Variants in FNBP1L observed in about 807,000 individuals in gnomAD.
FNBP1L encodes the protein formin-binding protein 1-like.
Under a neutral mutation model 91.2 loss-of-function variants are expected in FNBP1L, and 36 were observed. The observed-to-expected ratio is 0.39, with a 90% CI of 0.30 to 0.52. The LOEUF is 0.52. FNBP1L is among the 20% of genes least tolerant of loss of function. The pLI, the probability that FNBP1L is intolerant of heterozygous loss-of-function variation, is 0.66. For synonymous variants in FNBP1L, 242 were observed against 237.0 expected (o/e 1.02, Z -0.19); for missense variants, 571 against 732.1 (o/e 0.78, Z 2.54).
At chr1:93,448,348 G>C (rs1208083200) in intron 1 of FNBP1L, 43 bp downstream of exon 1, 120 of 1,475,176 alleles carry the variant, frequency 8.1e-5, no homozygotes, top group Non-Finnish European at 1.0e-4. Flanking sequence ...CCCGGCCCCT[G>C]AGAAGCGCGG....
rs1032018099 is a variant in FNBP1L, at chr1:93,523,357, G to T, written c.208G>T (p.Val70Leu). 1 of 1,603,776 alleles carries T rather than the reference G, an allele frequency of 6.2e-7. No individual in the cohort carries two copies. Among genetic ancestry groups the T allele is most frequent in the South Asian group, 1.1e-5 (1 of 88,346 alleles). ...KDEEPRFTSC[V>L]AFFNILNELN... ...TGTTTTTGCCAGGTTTACCTCGTGTGTAGCCTTTTTTAATATCCTTAATGA... is the reference window on the plus strand; with the variant it reads ...TGTTTTTGCCAGGTTTACCTCGTGTTTAGCCTTTTTTAATATCCTTAATGA... Residue 70 changes from valine to leucine, a missense_variant, in exon 4 of 17, where the codon GTA (valine) becomes TTA (leucine). Around this residue, in one of 5 missense-constraint regions of FNBP1L, gnomAD observed 220 missense variants for 313.6 expected, o/e 0.70. Transcript: ENST00000271234.
chr1:93,493,852 G>A (rs1397208663), intron 1 of FNBP1L, among the ~76,000 whole-genome samples: 1 of 152,128 alleles, frequency 6.6e-6, no homozygotes, highest in Non-Finnish European at 1.5e-5. Flanking sequence ...GAACTTAGTG[G>A]TGAAAGACGT....
rs528601858 is a variant in FNBP1L, at chr1:93,499,711, C to T, written c.140+128C>T. 114 of 608,680 alleles carry T rather than the reference C, an allele frequency of 1.9e-4. 1 individual carries two copies. The highest frequency in any genetic ancestry group is 1.6e-3 in the African/African-American group (83 of 52,568). The allele number at this position is 608,680 out of a possible 1,614,324, so 37.7% of individuals were successfully genotyped here. ...TCAGAATTAGATTGAATTAGGTAAC[C>T]GGTTTGTTTTAATGATTAATTAAGT... is the stretch of plus-strand genomic sequence containing the variant. On this transcript the variant is annotated intron_variant, in intron 2 of 16. Coordinates refer to ENST00000271234, the MANE Select transcript of FNBP1L (RefSeq NM_001164473.3).
At chr1:93,515,963 T>A (rs2101743933) in intron 2 of FNBP1L, among the ~76,000 whole-genome samples, 1 of 152,276 alleles carries the variant, frequency 6.6e-6, no homozygotes. Flanking sequence ...ATTGACCTAT[T>A]ATCCTCTATG....
chr1:93,513,956 A>C (rs1027399042), intron 2 of FNBP1L, among the ~76,000 whole-genome samples: 1 of 152,156 alleles, frequency 6.6e-6, no homozygotes, highest in African/African-American at 2.4e-5. Context: ...AGGGTATTCA[A>C]TTAGGAAAAG....
At chr1:93,507,095 ACACACACACACACTCTCTCTCT>A (rs1426579025) in intron 2 of FNBP1L, among the ~76,000 whole-genome samples, 345 of 103,944 alleles carry the variant, frequency 3.3e-3, no homozygotes, top group Middle Eastern at 9.5e-3. Context: ...ACACACACAC[ACACACACACACACTCTCTCTCT>A]CTCTCTCTCT....
chr1:93,456,902 T>A (rs1015906398), intron 1 of FNBP1L, among the ~76,000 whole-genome samples: 6 of 152,204 alleles, frequency 3.9e-5, no homozygotes, highest in African/African-American at 1.4e-4. Context: ...TTCTTATCTT[T>A]TTTGAGACAG....
chr1:93,503,595 T>C (rs949976812), intron 2 of FNBP1L, among the ~76,000 whole-genome samples: 1 of 152,166 alleles, frequency 6.6e-6, no homozygotes, highest in Non-Finnish European at 1.5e-5. Flanking sequence ...ATATTGATTT[T>C]TGGTTTTGGT....
intron 1 of FNBP1L, among the ~76,000 whole-genome samples, chr1:93,473,272 G>T (rs924834723): frequency 7.2e-5 from 11 of 151,924 alleles, no homozygotes; most frequent in South Asian, 6.2e-4. Context: ...TTGAATTTGG[G>T]CAAGAAAGGA....
At chr1:93,529,818 T>A in intron 6 of FNBP1L, 62 bp downstream of exon 6, 1 of 973,208 alleles carries the variant, frequency 1.0e-6, no homozygotes, top group Non-Finnish European at 1.5e-6. Context: ...AGGAAAGTAG[T>A]CACGACATTT....
chr1:93,534,143 G>C (rs1398832681), intron 8 of FNBP1L, among the ~76,000 whole-genome samples: 1 of 152,098 alleles, frequency 6.6e-6, no homozygotes, highest in African/African-American at 2.4e-5. Context: ...ACTCAGTAGT[G>C]TTTATGAGAT....
intron 1 of FNBP1L, among the ~76,000 whole-genome samples, chr1:93,492,725 G>A (rs1670136893): frequency 6.6e-6 from 1 of 152,044 alleles, no homozygotes; most frequent in African/African-American, 2.4e-5. Context: ...GGAGTTCGAC[G>A]CTGCAGTGAG....
chr1:93,509,841 AG>A (rs1161542613), intron 2 of FNBP1L, among the ~76,000 whole-genome samples: 1 of 152,206 alleles, frequency 6.6e-6, no homozygotes, highest in East Asian at 1.9e-4. Flanking sequence ...AGTCAAAGAA[AG>A]GGGAGACAGA....
chr1:93,531,036 G>A (rs1671659956), intron 7 of FNBP1L, among the ~76,000 whole-genome samples, 153 bp downstream of exon 7: 1 of 152,076 alleles, frequency 6.6e-6, no homozygotes, highest in Non-Finnish European at 1.5e-5. Flanking sequence ...GAAAACAAGT[G>A]TTTTCTAACT....
At chr1:93,516,350 T>G (rs747150427) in intron 2 of FNBP1L, among the ~76,000 whole-genome samples, 32 of 152,148 alleles carry the variant, frequency 2.1e-4, no homozygotes, top group Non-Finnish European at 4.3e-4. Flanking sequence ...CTATACCCCC[T>G]TTACCTGTTA....
intron 1 of FNBP1L, among the ~76,000 whole-genome samples, chr1:93,459,966 TG>T (rs1406696138): frequency 3.3e-5 from 5 of 149,810 alleles, no homozygotes; most frequent in African/African-American, 1.2e-4. Flanking sequence ...TGTGTGTGTG[TG>T]TGTGTGTGTG....
Position 93,522,068 on chromosome 1 carries a change from T to C in FNBP1L, c.141-14T>C. ...GAAATTTTTAATAAACTTTAAAAAA[T>C]CTTCTTCCTATAGAAATCTGGTTAA... On this transcript the variant is annotated splice_polypyrimidine_tract_variant and intron_variant, in intron 2 of 16. Coordinates refer to ENST00000271234, the MANE Select transcript of FNBP1L (RefSeq NM_001164473.3). 1 of 1,481,712 alleles carries C rather than the reference T, an allele frequency of 6.7e-7. No individual in the cohort carries two copies. The highest frequency in any genetic ancestry group is 9.0e-7 in the Non-Finnish European group (1 of 1,112,740). 91.8% of individuals were successfully genotyped at this position (1,481,712 alleles called of 1,614,324 possible).
At chr1:93,540,177 T>C (rs1230127806) in intron 10 of FNBP1L, among the ~76,000 whole-genome samples, 2 of 152,074 alleles carry the variant, frequency 1.3e-5, no homozygotes, top group Admixed American at 6.6e-5. Flanking sequence ...TCCATATACA[T>C]ATCTATATCT....
chr1:93,539,336 TTATGAGTA>T (rs1671949056), intron 10 of FNBP1L, among the ~76,000 whole-genome samples: 2 of 151,936 alleles, frequency 1.3e-5, no homozygotes, highest in African/African-American at 4.8e-5. Flanking sequence ...GTTTTCTAGT[TTATGAGTA>T]TATAATTGTA....
Sources: allele counts gnomAD v4.1 joint callset (sites outside exome capture counted in the v4.1 genomes callset), GRCh38; gene constraint gnomAD v4.1.1; regional missense constraint gnomAD v4.1.1; transcripts MANE v1.5; gene names NCBI Gene and HGNC (gene_info 2026-07-23, HGNC 2026-07-21).